KCNG4: variants seen among roughly 807,000 people sequenced by gnomAD.
KCNG4 encodes the protein voltage-gated potassium channel regulatory subunit KCNG4.
KCNG4 carries 30 observed loss-of-function variants against 28.2 expected under a neutral mutation model. The observed-to-expected ratio is 1.06, with a 90% CI of 0.80 to 1.44. The LOEUF is 1.44. KCNG4 is among the 40% of genes most tolerant of loss of function. The pLI, the probability that KCNG4 is intolerant of heterozygous loss-of-function variation, is 0.00. For missense variants in KCNG4, 879 were observed against 712.3 expected, an observed-to-expected ratio of 1.23 and a Z score of -2.66; for synonymous variants, 375 against 315.5, an observed-to-expected ratio of 1.19 and a Z score of -2.00.
Position 84,222,560 on chromosome 16 carries a change from G to A in KCNG4, c.1217C>T (p.Pro406Leu), listed in dbSNP as rs1457233313. ...SGRVLEFTSI[P>L]ASYWWAIISM... ...GATGATGGCCCACCAATAGGAGGCGGGGATGCTGGTGAACTCCAGCACCCG... is the reference window on the plus strand; with the variant it reads ...GATGATGGCCCACCAATAGGAGGCGAGGATGCTGGTGAACTCCAGCACCCG... The change falls in exon 3 of 3, where the codon CCC (proline) becomes CTC (leucine). Residue 406 changes from proline to leucine, a missense_variant. Pro to Leu is a moderately conservative substitution (Grantham distance 98). Transcript: ENST00000308251. 2 of 1,613,460 alleles carry A rather than the reference G, an allele frequency of 1.2e-6. No individual in the cohort carries two copies. Among genetic ancestry groups the A allele is most frequent in the South Asian group, 1.1e-5 (1 of 91,084 alleles).
rs373648591 is a variant in KCNG4 at position 84,236,220 on chromosome 16, G to A, written c.756+510C>T. 1.4e-4 allele frequency: 22 copies of A among 156,890 alleles called. No individual in the cohort carries two copies. The East Asian group carries it at 3.6e-3, about 25-fold the overall frequency. The allele number at this position is 156,890 out of a possible 1,614,324, so 9.7% of individuals were successfully genotyped here. On this transcript the variant is annotated intron_variant, in intron 2 of 2. Transcript: ENST00000308251. ...GTTTCCTCATCTGAAAATGGAGTGG[G>A]GATGCCCAGGAGAATGTTAGCTCAA...
rs566335738 is a variant in KCNG4, at chr16:84,219,044, T to C, written c.*3173A>G. 6.6e-6 allele frequency: 1 copy of C among 152,396 alleles called. No homozygotes were observed. Among genetic ancestry groups the C allele is most frequent in the East Asian group, 1.9e-4 (1 of 5,184 alleles). 9.4% of individuals were successfully genotyped at this position (152,396 alleles called of 1,614,324 possible). ...GACCTTCCAGTGGCTGTTTAGGCTT[T>C]GTCTCTGGTTCCAGAATGAGCTTAC... is the stretch of plus-strand genomic sequence containing the variant. On this transcript the variant is annotated 3_prime_UTR_variant, in exon 3 of 3. Transcript: ENST00000308251.
rs1567627706 is a variant in KCNG4, at chr16:84,237,061, GA to G, written c.424del (p.Ser142ProfsTer25). Reference sequence around the variant, plus strand: ...CCAGTAGGCCAGCTCCTCCTGGAAGGACAGCGCGCACATCTCCTGCAGAAGC... The same window carrying G: ...CCAGTAGGCCAGCTCCTCCTGGAAGGCAGCGCGCACATCTCCTGCAGAAGC... Reference protein sequence around the residue: ...LVLLQEMCALSFQEELAYWGI... With the variant: ...LVLLQEMCALXFQEELAYWGI... On this transcript the variant is annotated frameshift_variant, in exon 2 of 3. Coordinates refer to ENST00000308251, the MANE Select transcript of KCNG4 (RefSeq NM_172347.3). LOFTEE classifies it high-confidence loss of function. 1 of 1,614,068 alleles carries G rather than the reference GA, an allele frequency of 6.2e-7. No homozygotes were observed. Among genetic ancestry groups the G allele is most frequent in the East Asian group, 2.2e-5 (1 of 44,878 alleles).
At chr16:84,232,336 C>T (rs1904846276) in intron 2 of KCNG4, among the ~76,000 whole-genome samples, 1 of 152,194 alleles carries the variant, frequency 6.6e-6, no homozygotes, top group South Asian at 2.1e-4. Context: ...CAGAAGACCA[C>T]ACCTGGCACG....
At chr16:84,239,432 T>C (rs28472581) in intron 1 of KCNG4, among the ~76,000 whole-genome samples, 6,796 of 152,218 alleles carry the variant, frequency 0.045, 443 homozygotes, top group East Asian at 0.19. Flanking sequence ...CAGCACTCTG[T>C]CCCCCAGCCT....
chr16:84,219,548 G>C lies in KCNG4; in HGVS notation c.*2669C>G, dbSNP rs1597613177. The C allele has an allele frequency of 6.7e-6, 1 of 149,864 alleles. No individual in the cohort carries two copies. The highest frequency in any genetic ancestry group is 2.0e-4 in the East Asian group (1 of 4,954). The allele number at this position is 149,864 out of a possible 1,614,324, so 9.3% of individuals were successfully genotyped here. ...TGGAGACCATCCTGGCTAACATGGT[G>C]AAACCCCGTCTCTCCTAAAAATACA... On this transcript the variant is annotated 3_prime_UTR_variant, in exon 3 of 3. Transcript: ENST00000308251.
At chr16:84,230,086 A>G (rs1355622384) in intron 2 of KCNG4, among the ~76,000 whole-genome samples, 1 of 152,012 alleles carries the variant, frequency 6.6e-6, no homozygotes, top group East Asian at 1.9e-4. Flanking sequence ...GGAGGCCCCA[A>G]GAGTCCCGCC....
At chr16:84,238,903 T>A (rs1905039547) in intron 1 of KCNG4, among the ~76,000 whole-genome samples, 1 of 152,154 alleles carries the variant, frequency 6.6e-6, no homozygotes, top group Admixed American at 6.5e-5. Flanking sequence ...ACGGGGCCTC[T>A]AATGCTGTCT....
At chr16:84,235,894 C>T (rs528391971) in intron 2 of KCNG4, 1 of 152,234 alleles carries the variant, frequency 6.6e-6, no homozygotes, top group East Asian at 1.9e-4. Flanking sequence ...TTTCCAATAA[C>T]CCTCTCAACC....
Position 84,222,319 on chromosome 16 carries a change from T to C in KCNG4, c.1458A>G (p.Glu486=). 1 of 1,614,148 alleles carries C rather than the reference T, an allele frequency of 6.2e-7. No individual in the cohort carries two copies. The highest frequency in any genetic ancestry group is 8.5e-7 in the Non-Finnish European group (1 of 1,180,010). Residue 486 remains glutamate (E), a synonymous_variant, in exon 3 of 3, where the codon GAA becomes GAG. Coordinates refer to ENST00000308251, the MANE Select transcript of KCNG4 (RefSeq NM_172347.3). ...CCACATGGGGGTCCAGGAGTTCACA[T>C]TCACTGGCTGGACCGGTGTTTTGGA... is the stretch of plus-strand genomic sequence containing the variant. ...RHLQNTGPAS[E]CELLDPHVAS...
intron 1 of KCNG4, among the ~76,000 whole-genome samples, chr16:84,237,784 A>G (rs934118404): frequency 3.9e-5 from 6 of 152,300 alleles, no homozygotes; most frequent in Non-Finnish European, 8.8e-5. Flanking sequence ...TAGACGTTGC[A>G]CGGATGGGGG....
At chr16:84,230,609 C>G (rs1357507769) in intron 2 of KCNG4, among the ~76,000 whole-genome samples, 1 of 152,116 alleles carries the variant, frequency 6.6e-6, no homozygotes, top group African/African-American at 2.4e-5. Context: ...CTGTGCCTTC[C>G]TTCCCCTGCC....
At chr16:84,223,319 A>G (rs1904623919) in intron 2 of KCNG4, among the ~76,000 whole-genome samples, 1 of 152,130 alleles carries the variant, frequency 6.6e-6, no homozygotes, top group Non-Finnish European at 1.5e-5. Flanking sequence ...CACTCTTTCC[A>G]TCCTTCCTGT....
chr16:84,239,754 T>C lies in KCNG4; in HGVS notation c.-125A>G, dbSNP rs1341624533. 2 of 146,950 alleles carry C rather than the reference T, an allele frequency of 1.4e-5. No homozygotes were observed. Among genetic ancestry groups the C allele is most frequent in the Non-Finnish European group, 3.0e-5 (2 of 66,610 alleles). The allele number at this position is 146,950 out of a possible 1,614,324, so 9.1% of individuals were successfully genotyped here. A position where few individuals can be genotyped will look rare whatever the true frequency, so the allele number is the denominator to read the frequency against. ...TCTTGGTGCCCAGGGAAGGGACAGG[T>C]TTCTGGTGGAGATGAAGGGGAAGAA... On this transcript the variant is annotated 5_prime_UTR_variant, in exon 1 of 3. Transcript: ENST00000308251.
chr16:84,230,277 C>T lies in KCNG4; in HGVS notation c.756+6453G>A, dbSNP rs79970015. 6.8e-4 allele frequency among the ~76,000 whole-genome samples: 103 copies of T among 152,062 alleles called. 1 individual carries two copies. The East Asian group carries it at 0.018, about 26-fold the overall frequency. On this transcript the variant is annotated intron_variant, in intron 2 of 2. Transcript: ENST00000308251. The stretch of plus-strand genomic sequence containing the variant: ...AAAATTAGCTGGGCATGGTGGTGGG[C>T]GCCTGTAGTTCCAGCTACTCGGGAG...
At chr16:84,233,395 C>T (rs887199736) in intron 2 of KCNG4, among the ~76,000 whole-genome samples, 9 of 152,110 alleles carry the variant, frequency 5.9e-5, no homozygotes, top group African/African-American at 9.7e-5. Context: ...AGACTAGAGG[C>T]GAAGTGGCCC....
chr16:84,238,212 C>T (rs1905023862), intron 1 of KCNG4, among the ~76,000 whole-genome samples: 1 of 152,218 alleles, frequency 6.6e-6, no homozygotes, highest in Non-Finnish European at 1.5e-5. Context: ...GACATAAGAG[C>T]TCCACTTTAT....
rs937419422 is a variant in KCNG4 at position 84,226,709 on chromosome 16, T to C, written c.757-3689A>G. On this transcript the variant is annotated intron_variant, in intron 2 of 2. Coordinates refer to ENST00000308251, the MANE Select transcript of KCNG4 (RefSeq NM_172347.3). This position sits in a 1 kb window ranked among gnomAD's most constrained non-coding sequence, Gnocchi z 4.1. Reference sequence around the variant, plus strand: ...GCCTGACCAATATGGTGAAACCTTGTCGCTACTAAAAATACAAAAATTAGC... The same window carrying C: ...GCCTGACCAATATGGTGAAACCTTGCCGCTACTAAAAATACAAAAATTAGC... Among the ~76,000 whole-genome samples the C allele has an allele frequency of 9.7e-6, 1 of 103,046 alleles. No individual in the cohort carries two copies. Among genetic ancestry groups the C allele is most frequent in the African/African-American group, 3.4e-5 (1 of 29,250 alleles). The allele number at this position is 103,046 out of a possible 152,430, so 67.6% of individuals were successfully genotyped here. A position where few individuals can be genotyped will look rare whatever the true frequency, so the allele number is the denominator to read the frequency against.
In KCNG4 at chr16:84,222,251, A is replaced by G; in HGVS notation, c.1526T>C (p.Leu509Pro). ...CATGATAGGCAAGGCTGGGCCCTCC[A>G]GGATTAGGTCATTGACATCGTTCAT... Reference protein sequence around the residue: ...ELMNDVNDLILEGPALPIMHM With the variant: ...ELMNDVNDLIPEGPALPIMHM The change falls in exon 3 of 3, where the codon CTG becomes CCG. Residue 509 changes from leucine (L) to proline (P), a missense_variant. Physicochemically the swap from Leu to Pro is moderately conservative, Grantham distance 98 (BLOSUM62 -3). Transcript: ENST00000308251. 4 of 1,614,164 alleles carry G rather than the reference A, an allele frequency of 2.5e-6. No individual in the cohort carries two copies. In the South Asian group the frequency reaches 4.4e-5, roughly 18 times the overall value.
Sources: gnomAD v4.1 joint callset for allele counts (sites outside exome capture counted in the v4.1 genomes callset) on GRCh38, gnomAD v4.1.1 for gene constraint, Gnocchi (gnomAD v3.1) non-coding constraint, MANE v1.5 for transcripts, NCBI Gene and HGNC (gene_info 2026-07-23, HGNC 2026-07-21) for gene names.